The following MX2 variants were observed in gnomAD, a reference collection of about 807,000 sequenced individuals.
MX2 encodes MX dynamin like GTPase 2.
MX2 carries 51 observed loss-of-function variants against 74.0 expected under a neutral mutation model. The ratio of observed to expected loss-of-function variants is 0.69; its 90% confidence interval spans 0.55 to 0.87. MX2 has a LOEUF of 0.87. Ranked by LOEUF, MX2 falls within the 40% of genes least tolerant of loss-of-function variation. The probability of loss-of-function intolerance (pLI) is 0.00; values close to 1 mark genes in which losing one functional copy is unlikely to be tolerated. For missense variants in MX2, 832 were observed against 908.7 expected (o/e 0.92, Z 1.09); for synonymous variants, 369 against 339.3 (o/e 1.09, Z -0.96).
At chr21:41,407,908 C>G (rs1025550875) in intron 13 of MX2, 83 bp from the exon 14 acceptor site, 1 of 1,561,784 alleles carries the variant, frequency 6.4e-7, no homozygotes, top group Middle Eastern at 1.8e-4. Context: ...ATGTGCGCAT[C>G]CAGGAACTCC....
At chr21:41,406,000 G>A (rs977868067) in intron 12 of MX2, among the ~76,000 whole-genome samples, 10 of 147,330 alleles carry the variant, frequency 6.8e-5, no homozygotes, top group Admixed American at 1.4e-4. Flanking sequence ...CATCGCACCC[G>A]GCCTTTTTGA....
At chr21:41,367,981 A>G (rs2145853212) in intron 1 of MX2, among the ~76,000 whole-genome samples, 1 of 151,860 alleles carries the variant, frequency 6.6e-6, no homozygotes, top group African/African-American at 2.4e-5. Context: ...CTCTTCTCTC[A>G]CCAGCTGTCT....
chr21:41,384,662 C>A (rs2089545144), intron 5 of MX2, among the ~76,000 whole-genome samples: 1 of 152,020 alleles, frequency 6.6e-6, no homozygotes, highest in Admixed American at 6.6e-5. Flanking sequence ...AAAAAGAATT[C>A]TATCTGAAAG....
chr21:41,398,951 G>A lies in MX2; in HGVS notation c.1204G>A (p.Glu402Lys), dbSNP rs144179904. 331 of 1,614,090 alleles carry A rather than the reference G, an allele frequency of 2.1e-4. No individual in the cohort carries two copies. In the African/African-American group the frequency reaches 2.8e-3, roughly 14 times the overall value. ...QIRESHQKAT[E>K]ELRRCGADIP... is the part of the protein sequence containing the mutation. ...AAGGGAGAGCCACCAGAAGGCGACCGAGGAGCTGCGGCGTTGCGGGGCTGA... is the reference window on the plus strand; with the variant it reads ...AAGGGAGAGCCACCAGAAGGCGACCAAGGAGCTGCGGCGTTGCGGGGCTGA... Residue 402 changes from glutamate (E) to lysine (K), a missense_variant, in exon 9 of 14, where the codon GAG (glutamate) becomes AAG (lysine). Glu to Lys is a moderately conservative substitution (Grantham distance 56). Transcript: ENST00000330714.
chr21:41,362,939 T>G (rs2089229388), intron 1 of MX2, among the ~76,000 whole-genome samples: 1 of 151,796 alleles, frequency 6.6e-6, no homozygotes, highest in Non-Finnish European at 1.5e-5. Flanking sequence ...TATTTCTTTT[T>G]GTAGAGACAG....
intron 5 of MX2, chr21:41,390,190 G>A (rs912484557): frequency 3.2e-5 from 7 of 220,972 alleles, no homozygotes; most frequent in South Asian, 2.1e-4. Context: ...ACCGCTGGCC[G>A]CAAAGGCATC....
At chr21:41,407,668 AC>A (rs1162445061) in intron 13 of MX2, among the ~76,000 whole-genome samples, 1 of 152,178 alleles carries the variant, frequency 6.6e-6, no homozygotes, top group Non-Finnish European at 1.5e-5. Flanking sequence ...CCTGGTGCAT[AC>A]CCAGAAGGGA....
rs537952319 is a variant in MX2 at position 41,381,535 on chromosome 21, A to G, written c.578-875A>G. Among the ~76,000 whole-genome samples, 3 of 152,138 alleles carry G rather than the reference A, an allele frequency of 2.0e-5. No individual in the cohort carries two copies. In the East Asian group the frequency reaches 5.8e-4, roughly 30 times the overall value. On this transcript the variant is annotated intron_variant, in intron 4 of 13. Coordinates refer to ENST00000330714, the MANE Select transcript of MX2 (RefSeq NM_002463.2). ...CCCGTCTCTTCTAAAAATACAAAAA[A>G]TTAGCCGGGCGCAGTGGCAGGCACC...
At position 41,377,845 on chromosome 21, in the gene MX2, C is replaced by A. The variant is rs933277485; in HGVS notation, c.306C>A (p.Asp102Glu). 20 of 1,614,238 alleles carry A rather than the reference C, an allele frequency of 1.2e-5. No individual in the cohort carries two copies. In the South Asian group the frequency reaches 1.9e-4, roughly 15 times the overall value. Residue 102 changes from aspartate (D) to glutamate (E), a missense_variant, in exon 3 of 14, where the codon GAC becomes GAA. Transcript: ENST00000330714. ...AGCAGAAGGTGCGCCCCTGCATTGA[C>A]CTCATCGACTCCCTGCGGGCTCTGG... ...QYEQKVRPCIDLIDSLRALGV... is the reference protein window; with the variant it reads ...QYEQKVRPCIELIDSLRALGV...
At position 41,403,250 on chromosome 21, in the gene MX2, TTG is replaced by T. The variant is rs1462767641; in HGVS notation, c.1574-16_1574-15del. 2 of 1,483,370 alleles carry T rather than the reference TTG, an allele frequency of 1.3e-6. No individual in the cohort carries two copies. Among genetic ancestry groups the T allele is most frequent in the African/African-American group, 1.7e-5 (1 of 59,472 alleles). 91.9% of individuals were successfully genotyped at this position (1,483,370 alleles called of 1,614,324 possible). On this transcript the variant is annotated splice_polypyrimidine_tract_variant and intron_variant, in intron 11 of 13. Coordinates refer to ENST00000330714, the MANE Select transcript of MX2 (RefSeq NM_002463.2). ...TGATGTTTTCTTCTTCTTCTCCTTT[TTG>T]CTTTTTTTGGTCAGAAATTATCCAG...
At chr21:41,396,619 T>G (rs1190211766) in intron 7 of MX2, among the ~76,000 whole-genome samples, 1 of 152,140 alleles carries the variant, frequency 6.6e-6, no homozygotes, top group Admixed American at 6.5e-5. Context: ...GTGGTTAGGA[T>G]TACGTAACAC....
chr21:41,362,564 CG>C (rs2088575579), intron 1 of MX2, among the ~76,000 whole-genome samples: 1 of 151,664 alleles, frequency 6.6e-6, no homozygotes, highest in African/African-American at 2.4e-5. Context: ...TAGCCTTTGC[CG>C]ATTCTCTTCC....
chr21:41,365,681 A>T (rs951186818), intron 1 of MX2: 1 of 152,242 alleles, frequency 6.6e-6, no homozygotes, highest in African/African-American at 2.4e-5. Context: ...CGGTGCTGCC[A>T]TGAACATTCG....
chr21:41,378,302 A>ACTGGGAGATACAGGCCG (rs1555875912), intron 3 of MX2, among the ~76,000 whole-genome samples: 2 of 125,334 alleles, frequency 1.6e-5, no homozygotes, highest in African/African-American at 9.3e-5. Context: ...GAGACAGATC[A>ACTGGGAGATACAGGCCG]CTGGGAGAGA....
At chr21:41,392,013 A>G (rs112329048) in intron 6 of MX2, among the ~76,000 whole-genome samples, 9,219 of 152,098 alleles carry the variant, frequency 0.061, 835 homozygotes, top group African/African-American at 0.2. Flanking sequence ...AGTGTCTGTT[A>G]TTCCCCTCTA....
At position 41,399,303 on chromosome 21, in the gene MX2, C is replaced by T. The variant is rs1195783007; in HGVS notation, c.1380C>T (p.Asn460=). ...LYNKIREDFK[N]WVGILATNTQ... Reference sequence around the variant, plus strand: ...ACAAAATCAGAGAGGATTTTAAAAACTGGGTAGGCATACTTGCAACTAATA... The same window carrying T: ...ACAAAATCAGAGAGGATTTTAAAAATTGGGTAGGCATACTTGCAACTAATA... The change falls in exon 10 of 14, where the codon AAC becomes AAT. Residue 460 remains asparagine (N), a synonymous_variant. Transcript: ENST00000330714. The T allele has an allele frequency of 6.2e-7, 1 of 1,614,126 alleles. No homozygotes were observed. The highest frequency in any genetic ancestry group is 8.5e-7 in the Non-Finnish European group (1 of 1,179,992).
At position 41,382,528 on chromosome 21, in the gene MX2, G is replaced by A; in HGVS notation, c.696G>A (p.Val232=). The A allele has an allele frequency of 6.2e-7, 1 of 1,614,226 alleles. No individual in the cohort carries two copies. The highest frequency in any genetic ancestry group is 8.5e-7 in the Non-Finnish European group (1 of 1,180,054). ...TIIDLPGITR[V]AVDNQPRDIG... ...TTGACCTTCCCGGCATCACCAGGGTGGCTGTGGACAACCAGCCCCGAGACA... is the reference window on the plus strand; with the variant it reads ...TTGACCTTCCCGGCATCACCAGGGTAGCTGTGGACAACCAGCCCCGAGACA... Residue 232 remains valine, a synonymous_variant, in exon 5 of 14, where the codon GTG becomes GTA. Coordinates refer to ENST00000330714, the MANE Select transcript of MX2 (RefSeq NM_002463.2).
intron 7 of MX2, 81 bp from the exon 8 acceptor site, chr21:41,397,532 C>T (rs1037103696): frequency 2.4e-5 from 31 of 1,302,554 alleles, no homozygotes; most frequent in Non-Finnish European, 3.0e-5. Context: ...GAGCTGGGCT[C>T]ACCTACCACG....
At chr21:41,386,649 G>A in intron 5 of MX2, among the ~76,000 whole-genome samples, 1 of 152,150 alleles carries the variant, frequency 6.6e-6, no homozygotes, top group East Asian at 1.9e-4. Context: ...GGAGCCCCAG[G>A]GTCCTGCCCT....
Sources: allele counts gnomAD v4.1 joint callset (sites outside exome capture counted in the v4.1 genomes callset), GRCh38; gene constraint gnomAD v4.1.1; transcripts MANE v1.5; gene names NCBI Gene and HGNC (gene_info 2026-07-23, HGNC 2026-07-21).